Variants in EXT2 observed in about 807,000 individuals in gnomAD.
EXT2 encodes exostosin glycosyltransferase 2.
A neutral mutation model predicts 81.6 loss-of-function variants in EXT2; 53 were observed. The ratio of observed to expected loss-of-function variants is 0.65; its 90% CI spans 0.52 to 0.82. EXT2 has a LOEUF of 0.82. Ranked by LOEUF, EXT2 falls within the 40% of genes least tolerant of loss-of-function variation. The pLI, the probability that EXT2 is intolerant of heterozygous loss-of-function variation, is 0.00. For missense variants in EXT2, 774 were observed against 910.2 expected, an observed-to-expected ratio of 0.85 and a Z score of 1.93; for synonymous variants, 320 against 340.0, an observed-to-expected ratio of 0.94 and a Z score of 0.65.
At chr11:44,227,148 C>G (rs539214023) in intron 10 of EXT2, among the ~76,000 whole-genome samples, 2 of 152,198 alleles carry the variant, frequency 1.3e-5, no homozygotes, top group Non-Finnish European at 2.9e-5. Flanking sequence ...TGTTGTTACA[C>G]CTTCCCCCTT....
At chr11:44,197,110 G>A (rs1157494518) in intron 8 of EXT2, among the ~76,000 whole-genome samples, 3 of 152,120 alleles carry the variant, frequency 2.0e-5, no homozygotes, top group African/African-American at 7.2e-5. Context: ...CTCTGTGCCT[G>A]TATTTCCCTG....
intron 7 of EXT2, among the ~76,000 whole-genome samples, chr11:44,148,700 G>C (rs747701231): frequency 6.6e-6 from 1 of 152,200 alleles, no homozygotes; most frequent in South Asian, 2.1e-4. Flanking sequence ...TTGAGCACCT[G>C]CTTTGTTCGG....
At chr11:44,128,700 T>C (rs1001720192) in intron 6 of EXT2, among the ~76,000 whole-genome samples, 40 of 152,150 alleles carry the variant, frequency 2.6e-4, no homozygotes, top group African/African-American at 9.4e-4. Flanking sequence ...CTAGATCTGC[T>C]TGGGTAGTGC....
rs146286907 is a variant in EXT2, at chr11:44,109,411, A to T, written c.626+128A>T. On this transcript the variant is annotated intron_variant, in intron 3 of 13. Transcript: ENST00000533608. Reference sequence around the variant, plus strand: ...TTTATTAAACTAGAAAATTGTCATAAGTATTTTCCTCCTGAAGATTTAGAA... The same window carrying T: ...TTTATTAAACTAGAAAATTGTCATATGTATTTTCCTCCTGAAGATTTAGAA... 348 of 896,620 alleles carry T rather than the reference A, an allele frequency of 3.9e-4. 2 individuals are homozygous for T. The African/African-American group carries it at 5.1e-3, about 13-fold the overall frequency. 55.5% of individuals were successfully genotyped at this position (896,620 alleles called of 1,614,324 possible).
intron 10 of EXT2, among the ~76,000 whole-genome samples, chr11:44,209,538 C>CT (rs1430735487): frequency 1.3e-5 from 2 of 152,182 alleles, no homozygotes; most frequent in Admixed American, 1.3e-4. Flanking sequence ...CTAAATCCTG[C>CT]TTTTTATCCC....
At chr11:44,164,909 C>T (rs1003160866) in intron 7 of EXT2, among the ~76,000 whole-genome samples, 7 of 144,822 alleles carry the variant, frequency 4.8e-5, no homozygotes, top group African/African-American at 7.7e-5. Flanking sequence ...GACGGAGTCT[C>T]GCTCTGTCGC....
At chr11:44,200,033 C>G (rs948530893) in intron 9 of EXT2, among the ~76,000 whole-genome samples, 1 of 151,952 alleles carries the variant, frequency 6.6e-6, no homozygotes, top group African/African-American at 2.4e-5. Flanking sequence ...AGAACATGAA[C>G]CATGTTTAAT....
intron 10 of EXT2, among the ~76,000 whole-genome samples, chr11:44,218,363 G>A (rs1372242102): frequency 6.6e-6 from 1 of 152,200 alleles, no homozygotes; most frequent in African/African-American, 2.4e-5. Context: ...GTGTGGCAGA[G>A]TAGGAATTTT....
chr11:44,209,022 A>G (rs1955616478), intron 10 of EXT2, among the ~76,000 whole-genome samples: 1 of 152,372 alleles, frequency 6.6e-6, no homozygotes, highest in Middle Eastern at 3.4e-3. Context: ...TCCGTGCCCA[A>G]ATTCCTGCTC....
In EXT2 at chr11:44,249,266, G is replaced by A. The variant is rs1956121336; in HGVS notation, c.*4979G>A. Among the ~76,000 whole-genome samples the A allele has an allele frequency of 6.6e-6, 1 of 152,154 alleles. No individual in the cohort carries two copies. Among genetic ancestry groups the A allele is most frequent in the Non-Finnish European group, 1.5e-5 (1 of 68,022 alleles). Reference sequence around the variant, plus strand: ...TCCTGCCTCAGCGTCCCAAAGTGTTGGGATTACAGGTGTGAACCACCATGC... The same window carrying A: ...TCCTGCCTCAGCGTCCCAAAGTGTTAGGATTACAGGTGTGAACCACCATGC... On this transcript the variant is annotated 3_prime_UTR_variant, in exon 14 of 14. Coordinates refer to ENST00000533608, the MANE Select transcript of EXT2 (RefSeq NM_207122.2).
intron 7 of EXT2, 60 bp downstream of exon 7, chr11:44,130,198 G>T (rs1954472641): frequency 2.3e-6 from 3 of 1,327,080 alleles, no homozygotes; most frequent in South Asian, 2.4e-5. Context: ...GCCTTGACTG[G>T]ATACAGAGGG....
intron 1 of EXT2, among the ~76,000 whole-genome samples, chr11:44,101,380 T>A (rs1953979786): frequency 6.6e-6 from 1 of 152,170 alleles, no homozygotes; most frequent in African/African-American, 2.4e-5. Context: ...ATATTTTTAG[T>A]TGTTACAGCT....
intron 8 of EXT2, among the ~76,000 whole-genome samples, chr11:44,196,183 C>A (rs1051252866): frequency 6.6e-6 from 1 of 152,170 alleles, no homozygotes; most frequent in African/African-American, 2.4e-5. Flanking sequence ...TAACTGATAA[C>A]TTTTGAGAAT....
chr11:44,108,378 G>A, intron 2 of EXT2, 130 bp downstream of exon 2: 1 of 1,018,244 alleles, frequency 9.8e-7, no homozygotes, highest in Non-Finnish European at 1.5e-6. Context: ...TTGCAGGACG[G>A]GGTGTGTTGG....
chr11:44,170,315 A>C (rs1955053033), intron 7 of EXT2, among the ~76,000 whole-genome samples: 1 of 152,220 alleles, frequency 6.6e-6, no homozygotes, highest in South Asian at 2.1e-4. Context: ...TGCAGGAAGC[A>C]CTTAAATAGC....
At chr11:44,157,741 A>G (rs1423927120) in intron 7 of EXT2, among the ~76,000 whole-genome samples, 1 of 152,154 alleles carries the variant, frequency 6.6e-6, no homozygotes, top group Non-Finnish European at 1.5e-5. Flanking sequence ...CTGGTCCCCA[A>G]ACTGCAAAAC....
intron 10 of EXT2, among the ~76,000 whole-genome samples, chr11:44,225,817 G>C (rs1223455344): frequency 1.3e-5 from 2 of 152,104 alleles, no homozygotes; most frequent in Non-Finnish European, 2.9e-5. Flanking sequence ...TGTGCAATGA[G>C]GGAACTGGAC....
At position 44,172,986 on chromosome 11, in the gene EXT2, C is replaced by T. The variant is rs1373543029; in HGVS notation, c.1305+1244C>T. The stretch of plus-strand genomic sequence containing the variant: ...CACCTTCTTCCTTCTTTCATCCAGC[C>T]TTTTTGAAATGGTTACTGGGTTTTA... On this transcript the variant is annotated intron_variant, in intron 8 of 13. Coordinates refer to ENST00000533608, the MANE Select transcript of EXT2 (RefSeq NM_207122.2). Among the ~76,000 whole-genome samples the T allele has an allele frequency of 2.0e-5, 3 of 152,140 alleles. No homozygotes were observed. In the East Asian group the frequency reaches 5.8e-4, roughly 29 times the overall value.
At chr11:44,195,765 G>A (rs1020654084) in intron 8 of EXT2, among the ~76,000 whole-genome samples, 5 of 152,176 alleles carry the variant, frequency 3.3e-5, no homozygotes, top group Non-Finnish European at 7.3e-5. Flanking sequence ...TAGCAGATAG[G>A]ACATTTCATT....
Sources: allele counts gnomAD v4.1 joint callset (sites outside exome capture counted in the v4.1 genomes callset), GRCh38; gene constraint gnomAD v4.1.1; transcripts MANE v1.5; gene names NCBI Gene and HGNC (gene_info 2026-07-23, HGNC 2026-07-21).